PRKN: variants seen among roughly 807,000 people sequenced by gnomAD.
PRKN encodes the protein parkin RBR E3 ubiquitin protein ligase.
In PRKN, 56 loss-of-function variants were observed where a neutral mutation model predicts 59.5. The observed-to-expected ratio is 0.94, with a 90% CI of 0.76 to 1.18. The LOEUF (loss-of-function observed/expected upper bound fraction) is 1.18. Among genes scored for constraint, PRKN ranks in the 50% most tolerant of loss-of-function variants. The probability of loss-of-function intolerance (pLI) is 0.00; values close to 1 mark genes in which losing one functional copy is unlikely to be tolerated. For missense variants in PRKN, 657 were observed against 596.4 expected, an observed-to-expected ratio of 1.10 and a Z score of -1.06; for synonymous variants, 250 against 222.1, an observed-to-expected ratio of 1.13 and a Z score of -1.12.
At chr6:161,516,569 T>C (rs562430727) in intron 9 of PRKN, among the ~76,000 whole-genome samples, 2 of 149,134 alleles carry the variant, frequency 1.3e-5, no homozygotes, top group African/African-American at 4.9e-5. Flanking sequence ...GGCTCACGCC[T>C]GCAATCTCAA....
At chr6:162,172,658 C>A (rs1783342375) in intron 4 of PRKN, among the ~76,000 whole-genome samples, 1 of 152,172 alleles carries the variant, frequency 6.6e-6, no homozygotes, top group Admixed American at 6.5e-5. Flanking sequence ...ACAAATGTAG[C>A]TCCTCTAATT....
At chr6:162,292,614 T>C (rs1304962820) in intron 2 of PRKN, among the ~76,000 whole-genome samples, 1 of 152,100 alleles carries the variant, frequency 6.6e-6, no homozygotes, top group African/African-American at 2.4e-5. Context: ...GAGGATGACC[T>C]AGAGCCCATA....
intron 2 of PRKN, among the ~76,000 whole-genome samples, chr6:162,290,517 A>G (rs1450906328): frequency 1.3e-5 from 2 of 152,190 alleles, no homozygotes; most frequent in Admixed American, 1.3e-4. Context: ...GTCCATGTTA[A>G]ATGTCAGATT....
intron 7 of PRKN, among the ~76,000 whole-genome samples, chr6:161,735,467 C>G (rs554246991): frequency 6.6e-6 from 1 of 152,084 alleles, no homozygotes. Context: ...AGGTGTTAGT[C>G]GACTATTTTC....
intron 6 of PRKN, among the ~76,000 whole-genome samples, chr6:161,789,582 C>T (rs1263158638): frequency 6.6e-6 from 1 of 152,222 alleles, no homozygotes; most frequent in Non-Finnish European, 1.5e-5. Context: ...TGGAGCCTAA[C>T]ACCTCACTGC....
At chr6:161,733,543 T>A (rs1283641194) in intron 7 of PRKN, among the ~76,000 whole-genome samples, 1 of 152,078 alleles carries the variant, frequency 6.6e-6, no homozygotes, top group Non-Finnish European at 1.5e-5. Flanking sequence ...AAAACTCCCT[T>A]AGCTTCCAGC....
Position 161,440,861 on chromosome 6 carries a change from G to A in PRKN, c.1084-53984C>T, listed in dbSNP as rs1218070834. Among the ~76,000 whole-genome samples, 2 of 152,078 alleles carry A rather than the reference G, an allele frequency of 1.3e-5. No individual in the cohort carries two copies. Among genetic ancestry groups the A allele is most frequent in the Non-Finnish European group, 2.9e-5 (2 of 68,020 alleles). On this transcript the variant is annotated intron_variant, in intron 9 of 11. Coordinates refer to ENST00000366898, the MANE Select transcript of PRKN (RefSeq NM_004562.3). The surrounding 1 kb of genome is among the most constrained non-coding windows in gnomAD (Gnocchi z 4.1). Reference sequence around the variant, plus strand: ...AATATTAAAGACCAGCATCTCTCCAGAATACAAATAAGAGTCTAATGTGAT... The same window carrying A: ...AATATTAAAGACCAGCATCTCTCCAAAATACAAATAAGAGTCTAATGTGAT...
At chr6:162,580,707 C>T (rs1780757306) in intron 1 of PRKN, among the ~76,000 whole-genome samples, 1 of 152,100 alleles carries the variant, frequency 6.6e-6, no homozygotes, top group Non-Finnish European at 1.5e-5. Context: ...TAGGCAAGGC[C>T]CCTTTCCCAC....
intron 2 of PRKN, among the ~76,000 whole-genome samples, chr6:162,283,578 G>A (rs1781024716): frequency 6.6e-6 from 1 of 152,158 alleles, no homozygotes; most frequent in African/African-American, 2.4e-5. Context: ...CTGGAGTGCA[G>A]TAGCACGATC....
chr6:161,383,875 C>T (rs919367720), intron 10 of PRKN, among the ~76,000 whole-genome samples: 1 of 152,182 alleles, frequency 6.6e-6, no homozygotes, highest in Non-Finnish European at 1.5e-5. Flanking sequence ...CAGCAAAGAC[C>T]CCAATTAGTT....
chr6:162,321,281 A>G (rs1016833625), intron 2 of PRKN, among the ~76,000 whole-genome samples: 1 of 151,922 alleles, frequency 6.6e-6, no homozygotes, highest in African/African-American at 2.4e-5. Flanking sequence ...ATGAAATTTT[A>G]CAATTCCTGT....
chr6:162,072,510 G>A (rs931954068), intron 4 of PRKN, among the ~76,000 whole-genome samples: 1 of 152,144 alleles, frequency 6.6e-6, no homozygotes, highest in African/African-American at 2.4e-5. Flanking sequence ...CAAACAAGAT[G>A]ATTTCTCAGA....
intron 2 of PRKN, among the ~76,000 whole-genome samples, chr6:162,390,396 T>TATATATATATATACACAC (rs1180636201): frequency 4.0e-4 from 34 of 84,114 alleles, no homozygotes; most frequent in African/African-American, 1.3e-3. Context: ...TATATATATA[T>TATATATATATATACACAC]ACACACACAC....
chr6:162,090,143 T>C (rs1377582792), intron 4 of PRKN, among the ~76,000 whole-genome samples: 1 of 150,802 alleles, frequency 6.6e-6, no homozygotes, highest in Non-Finnish European at 1.5e-5. Flanking sequence ...GCAGTATTTG[T>C]GTGTGTGTGT....
chr6:162,002,410 G>A (rs1180052089), intron 5 of PRKN, among the ~76,000 whole-genome samples: 1 of 151,984 alleles, frequency 6.6e-6, no homozygotes, highest in Non-Finnish European at 1.5e-5. Flanking sequence ...GGGAATTTCA[G>A]CTACATTATC....
intron 7 of PRKN, among the ~76,000 whole-genome samples, chr6:161,661,666 C>G (rs1784551322): frequency 6.6e-6 from 1 of 152,036 alleles, no homozygotes; most frequent in Non-Finnish European, 1.5e-5. Context: ...AGGTGTTGTA[C>G]TGTATACAGC....
intron 1 of PRKN, chr6:162,727,339 A>AGGTGAGGGGCGGCGGCGGGGCGAG: frequency 5.3e-6 from 2 of 378,768 alleles, no homozygotes; most frequent in East Asian, 4.9e-5. Context: ...GGCGGGGAGA[A>AGGTGAGGGGCGGCGGCGGGGCGAG]GGCTTCGGGA....
At chr6:161,825,949 C>T (rs143477651) in intron 6 of PRKN, among the ~76,000 whole-genome samples, 28 of 152,314 alleles carry the variant, frequency 1.8e-4, no homozygotes, top group African/African-American at 6.5e-4. Context: ...CGAGTTGCTT[C>T]TCATGTTTCC....
intron 2 of PRKN, among the ~76,000 whole-genome samples, chr6:162,286,779 T>A (rs922278791): frequency 2.9e-4 from 44 of 152,170 alleles, no homozygotes; most frequent in African/African-American, 1.1e-3. Flanking sequence ...AGATCAAGCA[T>A]TTTACCTACA....
Sources: gnomAD v4.1 joint callset for allele counts (sites outside exome capture counted in the v4.1 genomes callset) on GRCh38, gnomAD v4.1.1 for gene constraint, Gnocchi (gnomAD v3.1) non-coding constraint, MANE v1.5 for transcripts, NCBI Gene and HGNC (gene_info 2026-07-23, HGNC 2026-07-21) for gene names.